Variants in PIBF1 observed in about 807,000 individuals in gnomAD.
PIBF1 encodes the protein progesterone immunomodulatory binding factor 1, also known as progesterone-induced-blocking factor 1.
A neutral mutation model predicts 112.5 loss-of-function variants in PIBF1; 90 were observed. The ratio of observed to expected loss-of-function variants is 0.80; its 90% CI spans 0.67 to 0.95. The LOEUF (loss-of-function observed/expected upper bound fraction) is 0.95, where lower values mean the gene tolerates loss of function less well. Ranked by LOEUF, PIBF1 falls within the 40% of genes least tolerant of loss-of-function variation. The pLI is 0.00. For synonymous variants in PIBF1, 301 were observed against 288.6 expected (o/e 1.04, Z -0.44); for missense variants, 915 against 852.3 (o/e 1.07, Z -0.92).
intron 2 of PIBF1, among the ~76,000 whole-genome samples, chr13:72,784,725 T>A (rs2034503031): frequency 6.6e-6 from 1 of 152,034 alleles, no homozygotes. Flanking sequence ...ACCACTGCAC[T>A]CCAGCCTGGG....
chr13:72,818,325 G>T (rs994933245), intron 5 of PIBF1, among the ~76,000 whole-genome samples: 1 of 152,090 alleles, frequency 6.6e-6, no homozygotes, highest in Non-Finnish European at 1.5e-5. Context: ...CCTTGCTCTA[G>T]ATTTAGTCTT....
intron 9 of PIBF1, among the ~76,000 whole-genome samples, chr13:72,840,224 T>A (rs2037545138): frequency 6.6e-6 from 1 of 152,258 alleles, no homozygotes; most frequent in African/African-American, 2.4e-5. Flanking sequence ...TGTATCATAC[T>A]AATCTTCCAC....
chr13:72,979,916 C>T (rs748053389), intron 16 of PIBF1, among the ~76,000 whole-genome samples: 7 of 152,012 alleles, frequency 4.6e-5, no homozygotes, highest in Non-Finnish European at 7.4e-5. Context: ...CAGAGCAAGA[C>T]TCTGTCTCAA....
intron 14 of PIBF1, among the ~76,000 whole-genome samples, chr13:72,940,790 G>GT (rs1209549578): frequency 6.6e-6 from 1 of 152,108 alleles, no homozygotes; most frequent in African/African-American, 2.4e-5. Context: ...AAATTGTAAG[G>GT]TTTTCTACTT....
chr13:72,924,093 A>T (rs1262263868), intron 13 of PIBF1, among the ~76,000 whole-genome samples: 1 of 152,112 alleles, frequency 6.6e-6, no homozygotes, highest in Non-Finnish European at 1.5e-5. Context: ...TCATTTAAAC[A>T]CTCTTCTTTC....
intron 16 of PIBF1, among the ~76,000 whole-genome samples, chr13:72,977,395 A>T (rs2043050669): frequency 6.6e-6 from 1 of 151,960 alleles, no homozygotes; most frequent in South Asian, 2.1e-4. Context: ...TTTAGTAGAG[A>T]TGGGGTTTCA....
At chr13:72,868,442 T>C (rs1038721511) in intron 10 of PIBF1, among the ~76,000 whole-genome samples, 9 of 152,322 alleles carry the variant, frequency 5.9e-5, no homozygotes, top group Admixed American at 2.0e-4. Flanking sequence ...CTCACGTACC[T>C]GTAAATGACA....
chr13:72,859,461 C>T (rs1437430284), intron 10 of PIBF1, among the ~76,000 whole-genome samples: 19 of 152,228 alleles, frequency 1.2e-4, no homozygotes, highest in Admixed American at 1.1e-3. Context: ...GTATATGGTA[C>T]TCATCTATAA....
chr13:72,870,160 A>T (rs2039102799), intron 10 of PIBF1, among the ~76,000 whole-genome samples: 1 of 152,174 alleles, frequency 6.6e-6, no homozygotes, highest in Non-Finnish European at 1.5e-5. Context: ...ATTAATTACC[A>T]TGACTGCCTT....
intron 17 of PIBF1, among the ~76,000 whole-genome samples, 169 bp downstream of exon 17, chr13:72,999,164 C>T (rs2043778437): frequency 6.6e-6 from 1 of 152,014 alleles, no homozygotes; most frequent in Non-Finnish European, 1.5e-5. Context: ...GTGTATATTA[C>T]CTATCTTATA....
chr13:73,012,968 C>T (rs2044248899), intron 17 of PIBF1, among the ~76,000 whole-genome samples: 1 of 150,760 alleles, frequency 6.6e-6, no homozygotes, highest in Non-Finnish European at 1.5e-5. Context: ...TATCCAAGGA[C>T]TAAAGGATGA....
chr13:72,850,188 A>G (rs2138296702), intron 9 of PIBF1, among the ~76,000 whole-genome samples: 1 of 152,338 alleles, frequency 6.6e-6, no homozygotes, highest in South Asian at 2.1e-4. Flanking sequence ...GTTACCCACA[A>G]ACACCTGTGA....
rs552037072 is a variant in PIBF1 at position 72,835,848 on chromosome 13, C to G, written c.1223+480C>G. On this transcript the variant is annotated intron_variant, in intron 9 of 17. Transcript: ENST00000326291. ...GGCGTGGTGGCTCACGCCTGTAATC[C>G]CAGCACTTTGGGAGGCCGAGGTGGG... Among the ~76,000 whole-genome samples the G allele has an allele frequency of 2.2e-4, 34 of 152,162 alleles. 1 individual carries two copies. In the South Asian group the frequency reaches 6.6e-3, roughly 30 times the overall value.
chr13:72,896,933 C>T (rs1029061986), intron 11 of PIBF1, among the ~76,000 whole-genome samples: 4 of 152,106 alleles, frequency 2.6e-5, no homozygotes, highest in Non-Finnish European at 4.4e-5. Flanking sequence ...CATCCAAATA[C>T]GAGAAGCACC....
chr13:72,932,911 T>C (rs1252464588), intron 14 of PIBF1, among the ~76,000 whole-genome samples: 1 of 152,242 alleles, frequency 6.6e-6, no homozygotes, highest in Non-Finnish European at 1.5e-5. Context: ...GAGTAATTTC[T>C]TTGTGTGGAT....
intron 10 of PIBF1, among the ~76,000 whole-genome samples, chr13:72,887,553 A>G (rs2039905274): frequency 6.6e-6 from 1 of 152,016 alleles, no homozygotes; most frequent in African/African-American, 2.4e-5. Context: ...CTGTTTAGCT[A>G]ATAACACTTT....
chr13:72,844,756 C>CTGTTT lies in PIBF1; in HGVS notation c.1224-9301_1224-9300insTGTTT, dbSNP rs761295795. Reference sequence around the variant, plus strand: ...ACACACACACACACACACACACACACACACACACACACACACACACACACA... The same window carrying CTGTTT: ...ACACACACACACACACACACACACACTGTTTACACACACACACACACACACACACA... On this transcript the variant is annotated intron_variant, in intron 9 of 17. Coordinates refer to ENST00000326291, the MANE Select transcript of PIBF1 (RefSeq NM_006346.4). Among the ~76,000 whole-genome samples the CTGTTT allele has an allele frequency of 2.6e-5, 3 of 115,230 alleles. 1 individual carries two copies. Among genetic ancestry groups the CTGTTT allele is most frequent in the South Asian group, 6.5e-4 (2 of 3,098 alleles). The allele number at this position is 115,230 out of a possible 152,430, so 75.6% of individuals were successfully genotyped here.
At chr13:72,904,142 A>G (rs1195008152) in intron 11 of PIBF1, among the ~76,000 whole-genome samples, 7 of 152,110 alleles carry the variant, frequency 4.6e-5, no homozygotes, top group African/African-American at 1.7e-4. Context: ...CCCACTAATA[A>G]ACTCAAGCAT....
intron 9 of PIBF1, among the ~76,000 whole-genome samples, chr13:72,846,751 GT>G (rs1271033664): frequency 1.3e-5 from 2 of 151,984 alleles, no homozygotes; most frequent in African/African-American, 2.4e-5. Flanking sequence ...TTTGTTCTAT[GT>G]TGTCTTTGTT....
Sources: allele counts gnomAD v4.1 joint callset (sites outside exome capture counted in the v4.1 genomes callset), GRCh38; gene constraint gnomAD v4.1.1; transcripts MANE v1.5; gene names NCBI Gene and HGNC (gene_info 2026-07-23, HGNC 2026-07-21).